MVB12B: variants seen among roughly 807,000 people sequenced by gnomAD.
The protein encoded by MVB12B is ESCRT-I complex subunit MVB12B.
MVB12B carries 16 observed loss-of-function variants against 41.6 expected under a neutral mutation model. That is an observed-to-expected ratio of 0.38 (90% confidence interval 0.26 to 0.58). MVB12B has a LOEUF of 0.58. Ranked by LOEUF, MVB12B falls within the 20% of genes least tolerant of loss-of-function variation. The probability of loss-of-function intolerance (pLI) is 0.62; values close to 1 mark genes in which losing one functional copy is unlikely to be tolerated. For missense variants in MVB12B, 274 were observed against 380.2 expected (o/e 0.72, Z 2.32); for synonymous variants, 133 against 139.7 (o/e 0.95, Z 0.34).
At chr9:126,446,763 A>G (rs1013272974) in intron 7 of MVB12B, among the ~76,000 whole-genome samples, 41 of 151,934 alleles carry the variant, frequency 2.7e-4, no homozygotes, top group Non-Finnish European at 3.4e-4. Flanking sequence ...CTTAAAATTA[A>G]TATACCTATA....
intron 6 of MVB12B, among the ~76,000 whole-genome samples, chr9:126,413,249 T>G (rs773027680): frequency 1.3e-5 from 2 of 152,146 alleles, no homozygotes; most frequent in Non-Finnish European, 2.9e-5. Flanking sequence ...ATTGGCCCCA[T>G]CAGCATTCAA....
chr9:126,457,077 T>G (rs923446545), intron 7 of MVB12B, among the ~76,000 whole-genome samples: 5 of 152,158 alleles, frequency 3.3e-5, no homozygotes, highest in Admixed American at 3.3e-4. Context: ...CTTTCTCATT[T>G]CCACATCGCA....
chr9:126,449,771 T>G (rs1832857311), intron 7 of MVB12B, among the ~76,000 whole-genome samples: 1 of 152,244 alleles, frequency 6.6e-6, no homozygotes, highest in Non-Finnish European at 1.5e-5. Flanking sequence ...TTTTTGTGTC[T>G]GTTTGGTTTC....
chr9:126,428,396 T>C (rs1832240354), intron 7 of MVB12B, among the ~76,000 whole-genome samples: 1 of 152,186 alleles, frequency 6.6e-6, no homozygotes, highest in Non-Finnish European at 1.5e-5. Flanking sequence ...AAAAAATGTG[T>C]ATCTTACAAT....
At chr9:126,475,827 C>T (rs1833408313) in intron 7 of MVB12B, among the ~76,000 whole-genome samples, 1 of 152,188 alleles carries the variant, frequency 6.6e-6, no homozygotes, top group African/African-American at 2.4e-5. Flanking sequence ...TCAAGACCAG[C>T]CTGGACAGCC....
rs183218169 is a variant in MVB12B, at chr9:126,407,438, T to G, written c.662+11741T>G. Among the ~76,000 whole-genome samples, 459 of 152,314 alleles carry G rather than the reference T, an allele frequency of 3.0e-3. 1 individual carries two copies. The highest frequency in any genetic ancestry group is 4.2e-3 in the Non-Finnish European group (284 of 68,036). ...GTCACGTTCAATAGGACACGTTCACTCTTCATACTTCTTCAATTCTAAATT... is the reference window on the plus strand; with the variant it reads ...GTCACGTTCAATAGGACACGTTCACGCTTCATACTTCTTCAATTCTAAATT... On this transcript the variant is annotated intron_variant, in intron 6 of 9. Coordinates refer to ENST00000361171, the MANE Select transcript of MVB12B (RefSeq NM_033446.3).
chr9:126,410,749 G>A (rs541648824), intron 6 of MVB12B, among the ~76,000 whole-genome samples: 6 of 152,096 alleles, frequency 3.9e-5, no homozygotes, highest in Non-Finnish European at 7.4e-5. Flanking sequence ...TTCATTGCTC[G>A]GGCCTCTTCT....
At chr9:126,479,128 G>A (rs892836789) in intron 7 of MVB12B, among the ~76,000 whole-genome samples, 2 of 152,128 alleles carry the variant, frequency 1.3e-5, no homozygotes, top group Non-Finnish European at 2.9e-5. Flanking sequence ...GGTGAAGAGT[G>A]GGCTTCGGGA....
chr9:126,477,312 G>A (rs1486326332), intron 7 of MVB12B, among the ~76,000 whole-genome samples: 2 of 152,146 alleles, frequency 1.3e-5, no homozygotes, highest in East Asian at 3.8e-4. Flanking sequence ...CTCCAACATT[G>A]GGGATTACAT....
chr9:126,338,129 C>G (rs556836906), intron 1 of MVB12B, among the ~76,000 whole-genome samples: 1 of 152,166 alleles, frequency 6.6e-6, no homozygotes, highest in Non-Finnish European at 1.5e-5. Context: ...CCGCGCGGCC[C>G]GGAGCCATTT....
intron 1 of MVB12B, among the ~76,000 whole-genome samples, chr9:126,328,101 A>G (rs953594390): frequency 6.6e-6 from 1 of 152,216 alleles, no homozygotes; most frequent in Non-Finnish European, 1.5e-5. Context: ...AGCTCTGTGA[A>G]GCCTTGACTA....
chr9:126,415,505 A>G (rs915881182), intron 6 of MVB12B, among the ~76,000 whole-genome samples: 5 of 152,330 alleles, frequency 3.3e-5, no homozygotes, highest in African/African-American at 1.2e-4. Flanking sequence ...CTTTATAAGT[A>G]GTGCCGTGAT....
rs1888156 is a variant in MVB12B at position 126,340,561 on chromosome 9, G to A, written c.135G>A (p.Thr45=). The A allele has an allele frequency of 0.32, 517,030 of 1,613,512 alleles. 83,933 individuals are homozygous for A. Among genetic ancestry groups the A allele is most frequent in the African/African-American group, 0.36 (27,300 of 74,954 alleles). ...ACCTCTCAGAAGCCTTGCCAGAAACGTCAATGGATCCCATCACGGGAGTCG... is the reference window on the plus strand; with the variant it reads ...ACCTCTCAGAAGCCTTGCCAGAAACATCAATGGATCCCATCACGGGAGTCG... ...VKDLSEALPE[T]SMDPITGVGV... Residue 45 remains threonine (T), a synonymous_variant, in exon 2 of 10, where the codon ACG becomes ACA. Coordinates refer to ENST00000361171, the MANE Select transcript of MVB12B (RefSeq NM_033446.3). This position sits in a 1 kb window ranked among gnomAD's most constrained non-coding sequence, Gnocchi z 4.0.
At chr9:126,498,406 C>T (rs1479077396) in intron 9 of MVB12B, among the ~76,000 whole-genome samples, 3 of 152,230 alleles carry the variant, frequency 2.0e-5, no homozygotes, top group Admixed American at 6.5e-5. Flanking sequence ...AGACTCTTCT[C>T]GTTGGCCCCA....
In MVB12B at chr9:126,503,536, G is replaced by T. The variant is rs1834007333; in HGVS notation, c.*273G>T. 2 of 499,858 alleles carry T rather than the reference G, an allele frequency of 4.0e-6. No homozygotes were observed. Among genetic ancestry groups the T allele is most frequent in the South Asian group, 5.7e-5 (2 of 35,132 alleles). The allele number at this position is 499,858 out of a possible 1,614,324, so 31.0% of individuals were successfully genotyped here. A position where few individuals can be genotyped will look rare whatever the true frequency, so the allele number is the denominator to read the frequency against. ...TCCTAACGTGTCTGTGTGATGACCA[G>T]TTGTCCTCCAAAAACCTCACTCACC... On this transcript the variant is annotated 3_prime_UTR_variant, in exon 10 of 10. Coordinates refer to ENST00000361171, the MANE Select transcript of MVB12B (RefSeq NM_033446.3).
At chr9:126,382,798 G>T (rs1163554683) in intron 3 of MVB12B, among the ~76,000 whole-genome samples, 2 of 152,186 alleles carry the variant, frequency 1.3e-5, no homozygotes, top group Non-Finnish European at 2.9e-5. Context: ...CTTGGAGTGG[G>T]GACAGTGACA....
chr9:126,492,136 A>ACG (rs1465018346), intron 9 of MVB12B, among the ~76,000 whole-genome samples: 8 of 146,800 alleles, frequency 5.4e-5, no homozygotes, highest in Non-Finnish European at 1.2e-4. Flanking sequence ...ACACACACAC[A>ACG]CGCTCAGCAG....
intron 6 of MVB12B, among the ~76,000 whole-genome samples, chr9:126,400,066 C>T (rs141781689): frequency 6.6e-6 from 1 of 152,278 alleles, no homozygotes; most frequent in African/African-American, 2.4e-5. Flanking sequence ...GCGGGAGGCC[C>T]TGAGTGGAGT....
chr9:126,503,203 G>T lies in MVB12B; in HGVS notation c.900G>T (p.Gln300His). ...ACGAGTACAGCTTCCGCACAGAGCAGAGCGCAGCCGCCAGGCTCCCGCCCA... is the reference window on the plus strand; with the variant it reads ...ACGAGTACAGCTTCCGCACAGAGCATAGCGCAGCCGCCAGGCTCCCGCCCA... The part of the protein sequence containing the change: ...KEYEYSFRTE[Q>H]SAAARLPPSP... The change falls in exon 10 of 10, where the codon CAG becomes CAT. Residue 300 changes from glutamine to histidine, a missense_variant. Coordinates refer to ENST00000361171, the MANE Select transcript of MVB12B (RefSeq NM_033446.3). 1.3e-6 allele frequency: 2 copies of T among 1,550,836 alleles called. No homozygotes were observed. Among genetic ancestry groups the T allele is most frequent in the Non-Finnish European group, 1.7e-6 (2 of 1,147,084 alleles).
Sources: gnomAD v4.1 joint callset for allele counts (sites outside exome capture counted in the v4.1 genomes callset) on GRCh38, gnomAD v4.1.1 for gene constraint, Gnocchi (gnomAD v3.1) non-coding constraint, MANE v1.5 for transcripts, NCBI Gene and HGNC (gene_info 2026-07-23, HGNC 2026-07-21) for gene names.